SOX5: variants seen among roughly 807,000 people sequenced by gnomAD.
SOX5 encodes SRY-box transcription factor 5.
A neutral mutation model predicts 92.0 loss-of-function variants in SOX5; 9 were observed. The ratio of observed to expected loss-of-function variants is 0.10; its 90% CI spans 0.06 to 0.17. The LOEUF (loss-of-function observed/expected upper bound fraction) is 0.17. Ranked by LOEUF, SOX5 falls within the 10% of genes least tolerant of loss-of-function variation. SOX5 has a pLI of 1.00. For synonymous variants in SOX5, 344 were observed against 336.3 expected (o/e 1.02, Z -0.25); for missense variants, 642 against 944.5 (o/e 0.68, Z 4.20).
At chr12:24,009,039 G>A (rs919773764) in intron 4 of SOX5, among the ~76,000 whole-genome samples, 1 of 152,164 alleles carries the variant, frequency 6.6e-6, no homozygotes, top group Non-Finnish European at 1.5e-5. Flanking sequence ...ATGTGAAGAG[G>A]CTGCAGGGAA....
At chr12:24,159,244 G>T (rs995025127) in intron 4 of SOX5, among the ~76,000 whole-genome samples, 2 of 151,610 alleles carry the variant, frequency 1.3e-5, no homozygotes, top group African/African-American at 4.8e-5. Flanking sequence ...AACATTCTCT[G>T]AACTATTACA....
chr12:23,638,899 AAAC>A (rs1288084047), intron 8 of SOX5, among the ~76,000 whole-genome samples: 62 of 152,212 alleles, frequency 4.1e-4, no homozygotes, highest in Non-Finnish European at 7.2e-4. Context: ...AAAAAAAAAA[AAAC>A]AACTTTTTTA....
At chr12:24,442,543 T>C (rs552374963) in intron 1 of SOX5, among the ~76,000 whole-genome samples, 2 of 152,332 alleles carry the variant, frequency 1.3e-5, no homozygotes, top group African/African-American at 4.8e-5. Context: ...TTTGGGGTAG[T>C]GTCTGCTGCT....
chr12:24,037,459 T>C (rs184397794), intron 4 of SOX5, among the ~76,000 whole-genome samples: 165 of 152,136 alleles, frequency 1.1e-3, no homozygotes, highest in African/African-American at 3.8e-3. Context: ...CATGTATAGA[T>C]AAAACAAACA....
chr12:24,046,509 C>A (rs1380527142), intron 4 of SOX5, among the ~76,000 whole-genome samples: 3 of 152,036 alleles, frequency 2.0e-5, no homozygotes, highest in African/African-American at 7.2e-5. Flanking sequence ...AAATTGACAT[C>A]ATTATCAGAA....
intron 4 of SOX5, among the ~76,000 whole-genome samples, chr12:24,082,813 G>A (rs1309155789): frequency 1.3e-5 from 2 of 151,542 alleles, no homozygotes; most frequent in Admixed American, 6.6e-5. Context: ...TTTTAGTCAG[G>A]TGTCCTCTTA....
intron 1 of SOX5, among the ~76,000 whole-genome samples, chr12:23,943,361 A>G (rs533714951): frequency 1.3e-5 from 2 of 152,230 alleles, no homozygotes; most frequent in South Asian, 2.1e-4. Flanking sequence ...CATTTAAGTC[A>G]AAACATTTCA....
intron 3 of SOX5, among the ~76,000 whole-genome samples, chr12:24,263,496 C>G (rs1942494785): frequency 8.0e-6 from 1 of 125,336 alleles, no homozygotes; most frequent in Non-Finnish European, 1.6e-5. Flanking sequence ...TCACTGCACT[C>G]CAGCCTGGGC....
intron 2 of SOX5, among the ~76,000 whole-genome samples, chr12:24,320,977 A>T (rs1046769853): frequency 5.3e-5 from 8 of 152,170 alleles, no homozygotes; most frequent in Admixed American, 5.2e-4. Context: ...GATTCTTCAG[A>T]TTCTAAATTC....
At chr12:23,978,668 A>AT (rs965815360) in intron 4 of SOX5, among the ~76,000 whole-genome samples, 17 of 150,292 alleles carry the variant, frequency 1.1e-4, no homozygotes, top group South Asian at 2.1e-4. Context: ...GGCAACTCAG[A>AT]TTTTTTTTTT....
At chr12:24,050,414 T>G (rs566715962) in intron 4 of SOX5, among the ~76,000 whole-genome samples, 3 of 152,254 alleles carry the variant, frequency 2.0e-5, no homozygotes, top group Non-Finnish European at 4.4e-5. Context: ...GGCTAGCCAT[T>G]TCAGTGAAAT....
chr12:23,644,878 TAATTC>T (rs2080624956), intron 7 of SOX5, among the ~76,000 whole-genome samples: 3 of 152,236 alleles, frequency 2.0e-5, no homozygotes, highest in African/African-American at 7.2e-5. Flanking sequence ...TAAAACTACT[TAATTC>T]ATTTGTATTC....
At chr12:24,023,873 T>TC (rs1430907162) in intron 4 of SOX5, among the ~76,000 whole-genome samples, 1 of 151,986 alleles carries the variant, frequency 6.6e-6, no homozygotes, top group Non-Finnish European at 1.5e-5. Flanking sequence ...ATAAACATAA[T>TC]CCCCACCCTC....
intron 9 of SOX5, among the ~76,000 whole-genome samples, chr12:23,581,627 A>G (rs1235560691): frequency 6.6e-6 from 1 of 152,128 alleles, no homozygotes; most frequent in Non-Finnish European, 1.5e-5. Flanking sequence ...TATTTCAGCT[A>G]TTTATTAATG....
intron 2 of SOX5, among the ~76,000 whole-genome samples, chr12:24,304,437 T>C (rs995230697): frequency 2.0e-5 from 3 of 152,174 alleles, no homozygotes; most frequent in Admixed American, 2.0e-4. Flanking sequence ...ATATCTTCAG[T>C]GCTATAATTC....
At chr12:24,482,623 G>A (rs570053394) in intron 1 of SOX5, among the ~76,000 whole-genome samples, 1 of 152,214 alleles carries the variant, frequency 6.6e-6, no homozygotes, top group South Asian at 2.1e-4. Context: ...TATAAGCCAA[G>A]TATATCCAAA....
chr12:24,510,273 CA>C (rs374380363), intron 1 of SOX5, among the ~76,000 whole-genome samples: 2,934 of 151,858 alleles, frequency 0.019, 38 homozygotes, highest in Middle Eastern at 0.044. Context: ...ACTGTAGATA[CA>C]AAAAAAATGA....
intron 6 of SOX5, among the ~76,000 whole-genome samples, chr12:23,732,550 G>A (rs1021732622): frequency 5.9e-5 from 9 of 152,142 alleles, no homozygotes; most frequent in Admixed American, 4.6e-4. Flanking sequence ...GACTCTGTCA[G>A]TTTCATTTAT....
chr12:24,219,067 C>A (rs1160617224), intron 3 of SOX5, among the ~76,000 whole-genome samples: 1 of 151,874 alleles, frequency 6.6e-6, no homozygotes, highest in East Asian at 1.9e-4. Context: ...TTTGAATTAT[C>A]AATTTGAGAG....
Sources: gnomAD v4.1 joint callset for allele counts (sites outside exome capture counted in the v4.1 genomes callset) on GRCh38, gnomAD v4.1.1 for gene constraint, MANE v1.5 for transcripts, NCBI Gene and HGNC (gene_info 2026-07-23, HGNC 2026-07-21) for gene names.